SLC4A4: variants seen among roughly 807,000 people sequenced by gnomAD.
SLC4A4 encodes the protein solute carrier family 4 member 4.
Under a neutral mutation model 111.5 loss-of-function variants are expected in SLC4A4, and 27 were observed. The observed-to-expected ratio is 0.24, with a 90% CI of 0.18 to 0.33. The LOEUF (loss-of-function observed/expected upper bound fraction) is 0.33. Ranked by LOEUF, SLC4A4 falls within the 10% of genes least tolerant of loss-of-function variation. The pLI is 1.00. For missense variants in SLC4A4, 909 were observed against 1,315.5 expected (o/e 0.69, Z 4.78); for synonymous variants, 443 against 463.4 (o/e 0.96, Z 0.57).
At chr4:71,362,401 T>C (rs556503162) in intron 6 of SLC4A4, among the ~76,000 whole-genome samples, 203 of 152,324 alleles carry the variant, frequency 1.3e-3, no homozygotes, top group African/African-American at 4.7e-3. Context: ...TAATGAAAAG[T>C]AAGAAGAAAT....
intron 2 of SLC4A4, among the ~76,000 whole-genome samples, chr4:71,240,363 GAGGAGGGGCCTCTTCTTA>G (rs1720111477): frequency 6.6e-6 from 1 of 152,204 alleles, no homozygotes; most frequent in African/African-American, 2.4e-5. Context: ...CTGACTTCAT[GAGGAGGGGCCTCTTCTTA>G]ACATCAAGTT....
intron 1 of SLC4A4, among the ~76,000 whole-genome samples, chr4:71,217,650 A>G (rs760647538): frequency 2.0e-5 from 3 of 152,230 alleles, no homozygotes; most frequent in Non-Finnish European, 4.4e-5. Flanking sequence ...TGCTTATTAT[A>G]TGGTTGCTTT....
chr4:71,496,336 A>G (rs926027020), intron 15 of SLC4A4, among the ~76,000 whole-genome samples: 1 of 152,070 alleles, frequency 6.6e-6, no homozygotes, highest in Admixed American at 6.6e-5. Flanking sequence ...TTATTGAGAC[A>G]GTGGTCTCAA....
chr4:71,398,401 C>A (rs1720034946), intron 7 of SLC4A4, among the ~76,000 whole-genome samples: 1 of 151,760 alleles, frequency 6.6e-6, no homozygotes, highest in Admixed American at 6.6e-5. Flanking sequence ...ATTTGTTTGT[C>A]TATTAAAACA....
At chr4:71,547,583 T>C in intron 19 of SLC4A4, 65 bp from the exon 20 acceptor site, 1 of 1,337,256 alleles carries the variant, frequency 7.5e-7, no homozygotes, top group Non-Finnish European at 1.1e-6. Context: ...TTTTTGAAGG[T>C]GAAAAGACAA....
intron 14 of SLC4A4, among the ~76,000 whole-genome samples, chr4:71,476,219 C>T (rs1022491619): frequency 2.0e-5 from 3 of 151,746 alleles, no homozygotes; most frequent in Non-Finnish European, 2.9e-5. Context: ...TTCTCCATAA[C>T]CTTACTGCTT....
At chr4:71,107,503 T>G (rs7675538) in intron 2 of SLC4A4, among the ~76,000 whole-genome samples, 1 of 151,980 alleles carries the variant, frequency 6.6e-6, no homozygotes, top group African/African-American at 2.4e-5. Flanking sequence ...CATGCCACCA[T>G]GCCCGGCTAA....
At chr4:71,112,242 A>C (rs996308604) in intron 2 of SLC4A4, among the ~76,000 whole-genome samples, 1 of 152,230 alleles carries the variant, frequency 6.6e-6, no homozygotes, top group East Asian at 1.9e-4. Context: ...AACAGGAAAG[A>C]GTAGCATTCG....
intron 1 of SLC4A4, among the ~76,000 whole-genome samples, chr4:71,216,744 G>A (rs940392340): frequency 1.3e-5 from 2 of 152,104 alleles, no homozygotes; most frequent in South Asian, 2.1e-4. Flanking sequence ...TTCTCTCTCC[G>A]CCAGTTGCTA....
chr4:71,383,258 C>T (rs1578972017), intron 6 of SLC4A4, among the ~76,000 whole-genome samples: 1 of 152,106 alleles, frequency 6.6e-6, no homozygotes. Context: ...TTTCTATATC[C>T]GTGATGTATA....
intron 3 of SLC4A4, 114 bp downstream of exon 3, chr4:71,255,513 TTAGAATCTGTTC>T (rs1721383937): frequency 9.3e-7 from 1 of 1,074,858 alleles, no homozygotes; most frequent in Non-Finnish European, 1.4e-6. Flanking sequence ...ACTGAGATGT[TTAGAATCTGTTC>T]TAAAGGATAA....
At chr4:71,207,295 A>T (rs1717831338) in intron 1 of SLC4A4, among the ~76,000 whole-genome samples, 2 of 152,192 alleles carry the variant, frequency 1.3e-5, no homozygotes, top group Admixed American at 1.3e-4. Context: ...TCTCCTGGAA[A>T]TGTTTCATCT....
chr4:71,379,551 C>G (rs1308696858), intron 6 of SLC4A4, among the ~76,000 whole-genome samples: 1 of 152,102 alleles, frequency 6.6e-6, no homozygotes, highest in Non-Finnish European at 1.5e-5. Context: ...CTTATTTGTG[C>G]TCTCATAACC....
At chr4:71,338,630 G>T (rs1728624255) in intron 3 of SLC4A4, among the ~76,000 whole-genome samples, 1 of 143,112 alleles carries the variant, frequency 7.0e-6, no homozygotes. Flanking sequence ...ATTTTTCATT[G>T]CATGATTTTC....
chr4:71,409,550 A>T (rs1344494693), intron 7 of SLC4A4, among the ~76,000 whole-genome samples: 1 of 152,252 alleles, frequency 6.6e-6, no homozygotes, highest in East Asian at 1.9e-4. Context: ...TAAGCAGCAA[A>T]GCATTCAAAA....
chr4:71,401,867 G>C (rs140894834), intron 7 of SLC4A4, among the ~76,000 whole-genome samples: 50 of 152,286 alleles, frequency 3.3e-4, no homozygotes, highest in African/African-American at 1.2e-3. Context: ...AGTAGATGTA[G>C]AAATAGCCTG....
chr4:71,201,927 G>C (rs1746274299), intron 1 of SLC4A4, among the ~76,000 whole-genome samples: 1 of 152,216 alleles, frequency 6.6e-6, no homozygotes. Context: ...TTAGGAGTAT[G>C]TGTGTATTAG....
intron 7 of SLC4A4, among the ~76,000 whole-genome samples, chr4:71,412,239 C>G (rs1284141230): frequency 1.3e-5 from 2 of 152,244 alleles, no homozygotes; most frequent in South Asian, 4.1e-4. Context: ...TGACTTTCAG[C>G]AGATTTAGAC....
intron 1 of SLC4A4, among the ~76,000 whole-genome samples, chr4:71,221,225 A>G (rs1718726603): frequency 6.6e-6 from 1 of 152,190 alleles, no homozygotes; most frequent in South Asian, 2.1e-4. Context: ...TCCTCTGGGT[A>G]TATACCGAGT....
Sources: gnomAD v4.1 joint callset for allele counts (sites outside exome capture counted in the v4.1 genomes callset) on GRCh38, gnomAD v4.1.1 for gene constraint, MANE v1.5 for transcripts, NCBI Gene and HGNC (gene_info 2026-07-23, HGNC 2026-07-21) for gene names.